Variants in CALM2 observed in about 807,000 individuals in gnomAD.
The protein encoded by CALM2 is calmodulin 2, also known as calmodulin-2.
In CALM2, 2 loss-of-function variants were observed where a neutral mutation model predicts 19.8. The observed-to-expected ratio is 0.10, with a 90% CI of 0.04 to 0.32. CALM2 has a LOEUF of 0.32. Among genes scored for constraint, CALM2 ranks in the 10% least tolerant of loss-of-function variants. The pLI is 1.00. For synonymous variants in CALM2, 51 were observed against 52.1 expected, an observed-to-expected ratio of 0.98 and a Z score of 0.09; for missense variants, 38 against 178.7, an observed-to-expected ratio of 0.21 and a Z score of 4.49.
intron 2 of CALM2, among the ~76,000 whole-genome samples, chr2:47,170,412 T>TTAGTGTAAA (rs1558699420): frequency 6.6e-6 from 1 of 152,216 alleles, no homozygotes; most frequent in African/African-American, 2.4e-5. Flanking sequence ...GCGTGTTAGC[T>TTAGTGTAAA]AGCCCAGAAT....
chr2:47,175,053 G>C (rs1002072609), intron 1 of CALM2, among the ~76,000 whole-genome samples: 6 of 136,808 alleles, frequency 4.4e-5, no homozygotes, highest in Non-Finnish European at 9.2e-5. Context: ...CACAAAGTAA[G>C]TATCACAGAT....
At chr2:47,175,912 C>T (rs1214753377) in intron 1 of CALM2, among the ~76,000 whole-genome samples, 1 of 149,862 alleles carries the variant, frequency 6.7e-6, no homozygotes, top group Non-Finnish European at 1.5e-5. Flanking sequence ...TCCCGGCACG[C>T]GGAGGACGCG....
rs769875948 is a variant in CALM2 at position 47,170,718 on chromosome 2, G to A, written c.34+16C>T. Reference sequence around the variant, plus strand: ...ATAAGAATCTAATGGGTACAATCTAGCTGAGTATTTCTCACCTGCAATCTG... The same window carrying A: ...ATAAGAATCTAATGGGTACAATCTAACTGAGTATTTCTCACCTGCAATCTG... On this transcript the variant is annotated intron_variant, in intron 2 of 5. Transcript: ENST00000272298. The A allele has an allele frequency of 1.9e-6, 3 of 1,601,536 alleles. No individual in the cohort carries two copies. In the South Asian group the frequency reaches 3.3e-5, roughly 18 times the overall value.
chr2:47,160,846 AG>A, intron 5 of CALM2, 42 bp from the exon 6 acceptor site: 1 of 915,920 alleles, frequency 1.1e-6, no homozygotes, highest in Non-Finnish European at 1.6e-6. Context: ...CAATAGCAAA[AG>A]ACCAAAAAAA....
chr2:47,166,247 C>T (rs371493941), intron 2 of CALM2, among the ~76,000 whole-genome samples: 1 of 152,142 alleles, frequency 6.6e-6, no homozygotes, highest in African/African-American at 2.4e-5. Context: ...ACACATTGCA[C>T]CTTTCACCTA....
chr2:47,163,454 T>C (rs187405330), intron 2 of CALM2: 2,746 of 151,400 alleles, frequency 0.018, 50 homozygotes, highest in Non-Finnish European at 0.025. Context: ...TTTTTTGAGA[T>C]GGACTTTCGC....
intron 1 of CALM2, 39 bp from the exon 2 acceptor site, chr2:47,170,803 G>A (rs1666640262): frequency 1.3e-6 from 2 of 1,564,224 alleles, no homozygotes; most frequent in Admixed American, 1.7e-5. Context: ...TGACTTGAGA[G>A]TATGTAGATT....
intron 1 of CALM2, chr2:47,173,011 T>C (rs1666727916): frequency 6.6e-6 from 1 of 152,114 alleles, no homozygotes; most frequent in African/African-American, 2.4e-5. Context: ...ATCACAAAAA[T>C]GAGCTTCAAG....
At chr2:47,176,817 G>A, upstream of CALM2, 11 of 985,422 alleles carry the variant, frequency 1.1e-5, no homozygotes, top group African/African-American at 1.7e-5. Context: ...CCCGTTGGTC[G>A]TTGAGCCTGC....
intron 1 of CALM2, 175 bp from the exon 2 acceptor site, chr2:47,170,939 CTG>C (rs1666646240): frequency 3.2e-6 from 2 of 617,496 alleles, no homozygotes; most frequent in Non-Finnish European, 5.9e-6. Flanking sequence ...CAAAGCTAAG[CTG>C]TCTTAACTCC....
intron 4 of CALM2, 81 bp downstream of exon 4, chr2:47,162,188 AAAAAAAAAAAAACAACC>A (rs1265286378): frequency 5.4e-5 from 25 of 461,194 alleles, no homozygotes; most frequent in Non-Finnish European, 1.5e-5. Context: ...AAAAAAAAAA[AAAAAAAAAAAAACAACC>A]AAAAAAACAC....
intron 2 of CALM2, chr2:47,163,394 A>T (rs1666319194): frequency 6.6e-6 from 1 of 151,840 alleles, no homozygotes; most frequent in African/African-American, 2.4e-5. Flanking sequence ...GAAACTGATT[A>T]TTCCTCAACA....
chr2:47,160,231 G>A lies in CALM2; in HGVS notation c.*545C>T, dbSNP rs1304027431. 1 of 152,640 alleles carries A rather than the reference G, an allele frequency of 6.6e-6. No homozygotes were observed. The highest frequency in any genetic ancestry group is 1.5e-5 in the Non-Finnish European group (1 of 68,058). The allele number at this position is 152,640 out of a possible 1,614,324, so 9.5% of individuals were successfully genotyped here. A position where few individuals can be genotyped will look rare whatever the true frequency, so the allele number is the denominator to read the frequency against. On this transcript the variant is annotated 3_prime_UTR_variant, in exon 6 of 6. Transcript: ENST00000272298. Reference sequence around the variant, plus strand: ...CTTGGAATGGATTTTGAGGCAAATTGTGCCATAAGCAGATTTTAAGTGGCT... The same window carrying A: ...CTTGGAATGGATTTTGAGGCAAATTATGCCATAAGCAGATTTTAAGTGGCT...
intron 1 of CALM2, among the ~76,000 whole-genome samples, chr2:47,175,714 C>G (rs1451711368): frequency 6.6e-6 from 1 of 151,908 alleles, no homozygotes; most frequent in Non-Finnish European, 1.5e-5. Flanking sequence ...AATGGCCCCG[C>G]AGCGCCAAGG....
At position 47,162,544 on chromosome 2, in the gene CALM2, G is replaced by A. The variant is rs1250496853; in HGVS notation, c.153C>T (p.Asp51=). ...GQNPTEAELQ[D]MINEVDADGN... The stretch of plus-strand genomic sequence containing the variant: ...CATCAGCATCTACTTCATTAATCAT[G>A]TCCTGTAACTCTGCTTCTGTGGGAT... The change falls in exon 3 of 6, where the codon GAC becomes GAT. Residue 51 remains aspartate, a synonymous_variant. Transcript: ENST00000272298. 6.2e-7 allele frequency: 1 copy of A among 1,614,066 alleles called. No homozygotes were observed. Among genetic ancestry groups the A allele is most frequent in the Admixed American group, 1.7e-5 (1 of 60,016 alleles).
At chr2:47,173,192 T>C (rs1476930382) in intron 1 of CALM2, 2 of 152,184 alleles carry the variant, frequency 1.3e-5, no homozygotes, top group Non-Finnish European at 2.9e-5. Flanking sequence ...GAAGACTTCC[T>C]AGCACTAACT....
intron 1 of CALM2, chr2:47,176,236 T>A: frequency 1.7e-6 from 1 of 605,942 alleles, no homozygotes; most frequent in South Asian, 2.1e-5. Context: ...CTCAACTCAC[T>A]AGAGGAAGCC....
intron 2 of CALM2, among the ~76,000 whole-genome samples, chr2:47,164,807 A>C (rs188745031): frequency 1.4e-4 from 21 of 152,324 alleles, no homozygotes; most frequent in African/African-American, 2.6e-4. Flanking sequence ...TTTATGTGAC[A>C]CATGTGTAAG....
rs768320501 is a variant in CALM2, at chr2:47,162,267, T to C, written c.285+19A>G. 1.5e-6 allele frequency: 2 copies of C among 1,323,976 alleles called. No homozygotes were observed. Among genetic ancestry groups the C allele is most frequent in the African/African-American group, 1.5e-5 (1 of 65,434 alleles). The allele number at this position is 1,323,976 out of a possible 1,614,324, so 82.0% of individuals were successfully genotyped here. ...TTCATTTCATCCTCAAAATTTAACA[T>C]ATCCAGTCCTTGACGTACCTTATCA... On this transcript the variant is annotated intron_variant, in intron 4 of 5. Coordinates refer to ENST00000272298, the MANE Select transcript of CALM2 (RefSeq NM_001743.6).
Sources: allele counts gnomAD v4.1 joint callset (sites outside exome capture counted in the v4.1 genomes callset), GRCh38; gene constraint gnomAD v4.1.1; transcripts MANE v1.5; gene names NCBI Gene and HGNC (gene_info 2026-07-23, HGNC 2026-07-21).